ZNF385D: variants seen among roughly 807,000 people sequenced by gnomAD.
The protein encoded by ZNF385D is zinc finger protein 659.
ZNF385D carries 15 observed loss-of-function variants against 35.8 expected under a neutral mutation model. The observed-to-expected ratio is 0.42, with a 90% CI of 0.28 to 0.64. The LOEUF (loss-of-function observed/expected upper bound fraction) is 0.64. Among genes scored for constraint, ZNF385D ranks in the 30% least tolerant of loss-of-function variants. ZNF385D has a pLI of 0.23. For synonymous variants in ZNF385D, 212 were observed against 186.8 expected (o/e 1.13, Z -1.10); for missense variants, 474 against 494.6 (o/e 0.96, Z 0.39).
chr3:22,124,776 C>T (rs1217558731), intron 3 of ZNF385D, among the ~76,000 whole-genome samples: 1 of 152,030 alleles, frequency 6.6e-6, no homozygotes, highest in African/African-American at 2.4e-5. Context: ...TATATTTTAT[C>T]CTATAGAGTT....
chr3:22,258,700 A>G (rs1350147265), intron 2 of ZNF385D, among the ~76,000 whole-genome samples: 1 of 151,760 alleles, frequency 6.6e-6, no homozygotes, highest in Non-Finnish European at 1.5e-5. Context: ...ATCTATTGCT[A>G]TTTGCCACAT....
chr3:22,045,652 T>C (rs1698953005), intron 3 of ZNF385D, among the ~76,000 whole-genome samples: 1 of 152,170 alleles, frequency 6.6e-6, no homozygotes, highest in Non-Finnish European at 1.5e-5. Context: ...TGAGTAAAGG[T>C]GGTATTTTAA....
intron 1 of ZNF385D, among the ~76,000 whole-genome samples, chr3:21,747,100 T>C (rs2069812912): frequency 6.6e-6 from 1 of 152,102 alleles, no homozygotes; most frequent in South Asian, 2.1e-4. Context: ...TTGTTTTGTT[T>C]TGTTTTTATT....
intron 3 of ZNF385D, among the ~76,000 whole-genome samples, chr3:21,830,598 C>G (rs887958322): frequency 5.3e-5 from 8 of 152,114 alleles, no homozygotes; most frequent in Non-Finnish European, 1.0e-4. Context: ...TCCTTCTTTC[C>G]TTCCCTTCCC....
At chr3:22,039,151 C>T (rs1476722803) in intron 3 of ZNF385D, among the ~76,000 whole-genome samples, 3 of 142,602 alleles carry the variant, frequency 2.1e-5, no homozygotes, top group Non-Finnish European at 4.5e-5. Context: ...TAAAAAGTAG[C>T]AAAAAACCTC....
At chr3:22,037,662 T>C (rs1698421782) in intron 3 of ZNF385D, among the ~76,000 whole-genome samples, 1 of 152,166 alleles carries the variant, frequency 6.6e-6, no homozygotes, top group African/African-American at 2.4e-5. Context: ...GTAGGTTGAC[T>C]GTTCACTCTG....
intron 1 of ZNF385D, among the ~76,000 whole-genome samples, chr3:21,733,094 AT>A (rs150522789): frequency 4.1e-5 from 6 of 146,772 alleles, no homozygotes; most frequent in Admixed American, 1.4e-4. Flanking sequence ...GTCTAAATTC[AT>A]TTTTTTTTCA....
chr3:21,901,887 A>G (rs1699433009), intron 3 of ZNF385D, among the ~76,000 whole-genome samples: 2 of 152,196 alleles, frequency 1.3e-5, no homozygotes, highest in South Asian at 4.1e-4. Flanking sequence ...GAAGGAAGAC[A>G]CAGAAGAGCG....
At chr3:22,261,314 GTATAA>G (rs1363316783) in intron 2 of ZNF385D, among the ~76,000 whole-genome samples, 9 of 152,090 alleles carry the variant, frequency 5.9e-5, no homozygotes, top group Non-Finnish European at 1.2e-4. Context: ...AAATGGTGCA[GTATAA>G]TATAAGAAAA....
At chr3:21,903,699 A>G (rs975001348) in intron 3 of ZNF385D, among the ~76,000 whole-genome samples, 2 of 152,292 alleles carry the variant, frequency 1.3e-5, no homozygotes, top group South Asian at 4.1e-4. Context: ...ACAGCTGTCT[A>G]TGTCATCCAT....
At chr3:22,061,767 C>G (rs1235397957) in intron 3 of ZNF385D, among the ~76,000 whole-genome samples, 1 of 152,168 alleles carries the variant, frequency 6.6e-6, no homozygotes, top group African/African-American at 2.4e-5. Flanking sequence ...TGCCTCTGTA[C>G]ACACACACTC....
intron 3 of ZNF385D, among the ~76,000 whole-genome samples, chr3:22,154,670 T>C (rs1387578762): frequency 6.6e-6 from 1 of 152,196 alleles, no homozygotes; most frequent in Non-Finnish European, 1.5e-5. Flanking sequence ...TGGGGCTTCA[T>C]GTCTTACTTC....
intron 2 of ZNF385D, among the ~76,000 whole-genome samples, 200 bp downstream of exon 2, chr3:21,664,686 C>A (rs553397464): frequency 1.1e-4 from 16 of 152,270 alleles, no homozygotes; most frequent in African/African-American, 2.9e-4. Flanking sequence ...CGGATCGAAT[C>A]TCTTTTTATT....
chr3:22,236,796 A>T (rs1453160397), intron 2 of ZNF385D, among the ~76,000 whole-genome samples: 3 of 152,198 alleles, frequency 2.0e-5, no homozygotes, highest in Non-Finnish European at 1.5e-5. Flanking sequence ...ATATAAATAG[A>T]ATCATACAAT....
intron 2 of ZNF385D, among the ~76,000 whole-genome samples, chr3:22,270,706 C>CT (rs560159159): frequency 2.0e-4 from 31 of 151,600 alleles, no homozygotes; most frequent in African/African-American, 2.9e-4. Context: ...ATGATTTGTG[C>CT]TTTTTTTTAC....
rs565946175 is a variant in ZNF385D at position 21,651,017 on chromosome 3, C to T, written c.165+13869G>A. Among the ~76,000 whole-genome samples, 8 of 151,946 alleles carry T rather than the reference C, an allele frequency of 5.3e-5. No homozygotes were observed. In the East Asian group the frequency reaches 7.7e-4, roughly 15 times the overall value. On this transcript the variant is annotated intron_variant, in intron 2 of 7. Coordinates refer to ENST00000281523, the MANE Select transcript of ZNF385D (RefSeq NM_024697.3). ...AAAAAGGGCCAGGCGCGGTGGCTCACGCCTGTAATCCCAGCACTTTGGGAG... is the reference window on the plus strand; with the variant it reads ...AAAAAGGGCCAGGCGCGGTGGCTCATGCCTGTAATCCCAGCACTTTGGGAG...
chr3:22,294,262 C>T (rs559019492), intron 2 of ZNF385D, among the ~76,000 whole-genome samples: 1 of 152,112 alleles, frequency 6.6e-6, no homozygotes, highest in East Asian at 1.9e-4. Context: ...GAGGTGGATG[C>T]AGTTTTAGCT....
At chr3:22,132,765 T>C (rs1210899120) in intron 3 of ZNF385D, among the ~76,000 whole-genome samples, 1 of 152,114 alleles carries the variant, frequency 6.6e-6, no homozygotes. Flanking sequence ...CCCATGTCTT[T>C]ATCTAAAAGG....
chr3:21,960,465 G>A (rs558926323), intron 3 of ZNF385D, among the ~76,000 whole-genome samples: 155 of 151,948 alleles, frequency 1.0e-3, no homozygotes, highest in African/African-American at 3.4e-3. Flanking sequence ...AGTAAAAAAC[G>A]GATCCCTTGT....
Sources: allele counts gnomAD v4.1 joint callset (sites outside exome capture counted in the v4.1 genomes callset), GRCh38; gene constraint gnomAD v4.1.1; transcripts MANE v1.5; gene names NCBI Gene and HGNC (gene_info 2026-07-23, HGNC 2026-07-21).